Variants in EMG1 observed in about 807,000 individuals in gnomAD.
EMG1 encodes EMG1 N1-specific pseudouridine methyltransferase, also known as ribosomal RNA small subunit methyltransferase NEP1.
In EMG1, 24 loss-of-function variants were observed where a neutral mutation model predicts 26.9. The ratio of observed to expected loss-of-function variants is 0.89; its 90% CI spans 0.65 to 1.26. The LOEUF is 1.26. EMG1 is among the 50% of genes most tolerant of loss of function. The pLI, the probability that EMG1 is intolerant of heterozygous loss-of-function variation, is 0.00. For missense variants in EMG1, 299 were observed against 307.6 expected (o/e 0.97, Z 0.21); for synonymous variants, 140 against 112.6 (o/e 1.24, Z -1.54).
rs781987441 is a variant in EMG1 at position 6,975,164 on chromosome 12, C to T, written c.471+16C>T. On this transcript the variant is annotated intron_variant, in intron 4 of 5. Coordinates refer to ENST00000599672, the MANE Select transcript of EMG1 (RefSeq NM_006331.8). Reference sequence around the variant, plus strand: ...GCTTTTGAAGGTGAGGTATTGAAACCTGTTAGTTGAAGGCTGGTTCTGGGA... The same window carrying T: ...GCTTTTGAAGGTGAGGTATTGAAACTTGTTAGTTGAAGGCTGGTTCTGGGA... The T allele has an allele frequency of 1.7e-5, 27 of 1,613,894 alleles. No homozygotes were observed. The highest frequency in any genetic ancestry group is 2.3e-5 in the Non-Finnish European group (27 of 1,179,894).
Position 6,977,481 on chromosome 12 carries a change from GGCCA to G in EMG1, c.*1675_*1678del. 1 of 1,614,188 alleles carries G rather than the reference GGCCA, an allele frequency of 6.2e-7. No homozygotes were observed. Among genetic ancestry groups the G allele is most frequent in the Non-Finnish European group, 8.5e-7 (1 of 1,180,034 alleles). ...AGAAGGGCTGGAGGACAGTAATGGCGGCCAGCTTGCTCAGGGTGGGGCTCTCTTG... is the reference window on the plus strand; with the variant it reads ...AGAAGGGCTGGAGGACAGTAATGGCGGCTTGCTCAGGGTGGGGCTCTCTTG... On this transcript the variant is annotated 3_prime_UTR_variant, in exon 6 of 6. Coordinates refer to ENST00000599672, the MANE Select transcript of EMG1 (RefSeq NM_006331.8). This position sits in a 1 kb window ranked among gnomAD's most constrained non-coding sequence, Gnocchi z 4.5.
chr12:6,984,624 T>A (rs1946503382), downstream of EMG1, among the ~76,000 whole-genome samples: 1 of 152,254 alleles, frequency 6.6e-6, no homozygotes, highest in South Asian at 2.1e-4. Flanking sequence ...TCTTGCTCTG[T>A]CACCCAGGCT....
chr12:6,983,405 G>T, downstream of EMG1: 1 of 1,444,836 alleles, frequency 6.9e-7, no homozygotes, highest in Non-Finnish European at 9.7e-7. Flanking sequence ...ACTAATTGCG[G>T]TGTCACTGCT....
At position 6,975,265 on chromosome 12, in the gene EMG1, G is replaced by A; in HGVS notation, c.508G>A (p.Gly170Arg). The change falls in exon 5 of 6, where the codon GGA becomes AGA. Residue 170 changes from glycine (G) to arginine (R), a missense_variant. Transcript: ENST00000599672. ...KNPVSDHFPV[G>R]CMKVGTSFSI... is the part of the protein sequence containing the mutation. Reference sequence around the variant, plus strand: ...TCCAGTATCAGATCACTTTCCAGTTGGATGTATGAAAGTTGGCACTTCTTT... The same window carrying A: ...TCCAGTATCAGATCACTTTCCAGTTAGATGTATGAAAGTTGGCACTTCTTT... 6.2e-7 allele frequency: 1 copy of A among 1,613,600 alleles called. No homozygotes were observed. The highest frequency in any genetic ancestry group is 8.5e-7 in the Non-Finnish European group (1 of 1,179,686).
chr12:6,972,066 CTTTTTTTT>C (rs11292192), intron 1 of EMG1, among the ~76,000 whole-genome samples: 2 of 124,700 alleles, frequency 1.6e-5, no homozygotes, highest in Admixed American at 8.5e-5. Flanking sequence ...TCTAAATACA[CTTTTTTTT>C]TTTTTTTTTT....
chr12:6,974,602 G>C lies in EMG1; in HGVS notation c.321G>C (p.Gln107His). The C allele has an allele frequency of 6.2e-7, 1 of 1,613,984 alleles. No homozygotes were observed. The highest frequency in any genetic ancestry group is 8.5e-7 in the Non-Finnish European group (1 of 1,179,898). ...CCCTGAACCGAGCTGGCTTGCTACA[G>C]GTTTATATCCATACACAGAAGAATG... ...DSPLNRAGLLQVYIHTQKNVL... is the reference protein window; with the variant it reads ...DSPLNRAGLLHVYIHTQKNVL... The change falls in exon 3 of 6, where the codon CAG becomes CAC. Residue 107 changes from glutamine to histidine, a missense_variant. By Grantham distance (24) the Gln-to-His change is conservative (BLOSUM62 0). Coordinates refer to ENST00000599672, the MANE Select transcript of EMG1 (RefSeq NM_006331.8).
rs77005279 is a variant in EMG1 at position 6,978,886 on chromosome 12, C to T, written c.*3077C>T. ...GCAGAGGGCCTGGAGAATATTCATT[C>T]GCCTTTCCCTTGGAGAGCCTCAAGG... On this transcript the variant is annotated 3_prime_UTR_variant, in exon 6 of 6. Transcript: ENST00000599672. 1,780 of 705,238 alleles carry T rather than the reference C, an allele frequency of 2.5e-3. 19 individuals carry two copies. The East Asian group carries it at 0.028, about 11-fold the overall frequency. 43.7% of individuals were successfully genotyped at this position (705,238 alleles called of 1,614,324 possible). A position where few individuals can be genotyped will look rare whatever the true frequency, so the allele number is the denominator to read the frequency against.
At chr12:6,972,237 T>C (rs1172949214) in intron 1 of EMG1, among the ~76,000 whole-genome samples, 1 of 152,142 alleles carries the variant, frequency 6.6e-6, no homozygotes, top group Non-Finnish European at 1.5e-5. Context: ...ATTAAAAGAA[T>C]AGAAAACATG....
chr12:6,974,988 A>G, intron 3 of EMG1, 102 bp from the exon 4 acceptor site: 1 of 1,183,392 alleles, frequency 8.5e-7, no homozygotes, highest in Non-Finnish European at 1.3e-6. Context: ...GATATAAAGC[A>G]CACAGGGAAC....
chr12:6,994,984 C>T (rs1025439580), intron 7 of EMG1, among the ~76,000 whole-genome samples: 1 of 152,200 alleles, frequency 6.6e-6, no homozygotes, highest in Non-Finnish European at 1.5e-5. Context: ...GACAGATCCA[C>T]ATCTTTAGTT....
In EMG1 at chr12:6,987,201, T is replaced by C. The variant is rs186720340; in HGVS notation, c.*155-581T>C. ...ACCTGCGCTGTTCAAGGCTCAACTGTAATTAATTCTACAGATATCTTATGG... is the reference window on the plus strand; with the variant it reads ...ACCTGCGCTGTTCAAGGCTCAACTGCAATTAATTCTACAGATATCTTATGG... On this transcript the variant is annotated intron_variant and NMD_transcript_variant, in intron 6 of 7. Transcript: ENST00000261406. The surrounding 1 kb of genome is among the most constrained non-coding windows in gnomAD (Gnocchi z 4.1). 7.1e-4 allele frequency among the ~76,000 whole-genome samples: 108 copies of C among 152,362 alleles called. No homozygotes were observed. The highest frequency in any genetic ancestry group is 3.7e-3 in the Admixed American group (57 of 15,304).
Position 6,974,652 on chromosome 12 carries a change from C to T in EMG1, c.371C>T (p.Thr124Ile), listed in dbSNP as rs1555152820. Residue 124 changes from threonine to isoleucine, a missense_variant, in exon 3 of 6, where the codon ACC (threonine) becomes ATC (isoleucine). Thr to Ile is a moderately conservative substitution (Grantham distance 89). Coordinates refer to ENST00000599672, the MANE Select transcript of EMG1 (RefSeq NM_006331.8). The part of the protein sequence containing the change: ...KNVLIEVNPQ[T>I]RIPRTFDRFC... ...GTTCTGATTGAAGTGAATCCCCAGA[C>T]CCGAATTCCCAGAACCTTTGACCGC... The T allele has an allele frequency of 1.2e-6, 2 of 1,613,828 alleles. No individual in the cohort carries two copies. The highest frequency in any genetic ancestry group is 4.5e-5 in the East Asian group (2 of 44,898).
downstream of EMG1, among the ~76,000 whole-genome samples, chr12:6,988,774 T>C (rs1946555467): frequency 6.6e-6 from 1 of 152,092 alleles, no homozygotes; most frequent in South Asian, 2.1e-4. Context: ...GCTTGGAGAT[T>C]GGGGTTGATG....
downstream of EMG1, chr12:6,981,129 C>T: frequency 6.2e-7 from 1 of 1,613,808 alleles, no homozygotes; most frequent in Non-Finnish European, 8.5e-7. Context: ...CAACTTCCAG[C>T]AGGGAAGGAA....
At chr12:6,982,585 C>G, downstream of EMG1, 1 of 921,620 alleles carries the variant, frequency 1.1e-6, no homozygotes. Context: ...GAAATTAGGT[C>G]TGCTAATTTC....
rs1946422092 is a variant in EMG1, at chr12:6,977,576, C to T, written c.*1767C>T. On this transcript the variant is annotated 3_prime_UTR_variant, in exon 6 of 6. Transcript: ENST00000599672. The surrounding 1 kb of genome is among the most constrained non-coding windows in gnomAD (Gnocchi z 4.5). ...GCATCTTGTCCCTTATATTCCCCTT[C>T]ACCCCCACCCTGGAGGCCTACCTGT... 1.2e-6 allele frequency: 2 copies of T among 1,614,040 alleles called. No individual in the cohort carries two copies. The highest frequency in any genetic ancestry group is 1.6e-4 in the Middle Eastern group (1 of 6,084).
chr12:6,996,993 C>G (rs920447825), intron 7 of EMG1, among the ~76,000 whole-genome samples: 4 of 147,638 alleles, frequency 2.7e-5, no homozygotes, highest in South Asian at 2.1e-4. Flanking sequence ...CAGGCAGAGT[C>G]TGAAATTGAT....
chr12:6,972,691 G>A (rs932123563), intron 1 of EMG1, among the ~76,000 whole-genome samples: 3 of 152,056 alleles, frequency 2.0e-5, no homozygotes, highest in Non-Finnish European at 2.9e-5. Context: ...TTCCCATCCT[G>A]CCCTGCTTAC....
downstream of EMG1, among the ~76,000 whole-genome samples, chr12:6,982,327 C>T (rs1350348085): frequency 1.3e-5 from 2 of 152,194 alleles, no homozygotes; most frequent in African/African-American, 4.8e-5. Context: ...GTGTGAGCCA[C>T]TTTGCCTGGC....
Sources: gnomAD v4.1 joint callset for allele counts (sites outside exome capture counted in the v4.1 genomes callset) on GRCh38, gnomAD v4.1.1 for gene constraint, Gnocchi (gnomAD v3.1) non-coding constraint, MANE v1.5 for transcripts, NCBI Gene and HGNC (gene_info 2026-07-23, HGNC 2026-07-21) for gene names.